Variants in DLGAP2 observed in about 807,000 individuals in gnomAD.
DLGAP2 encodes the protein DLG associated protein 2.
In DLGAP2, 26 loss-of-function variants were observed where a neutral mutation model predicts 100.3. The observed-to-expected ratio is 0.26, with a 90% CI of 0.19 to 0.36. DLGAP2 has a LOEUF of 0.36. Among genes scored for constraint, DLGAP2 ranks in the 10% least tolerant of loss-of-function variants. DLGAP2 has a pLI of 1.00. For synonymous variants in DLGAP2, 886 were observed against 630.1 expected (o/e 1.41, Z -6.08); for missense variants, 1,858 against 1,453.2 (o/e 1.28, Z -4.53).
chr8:1,655,004 G>C (rs186607116), intron 8 of DLGAP2, among the ~76,000 whole-genome samples: 12 of 152,304 alleles, frequency 7.9e-5, no homozygotes, highest in African/African-American at 1.4e-4. Context: ...GAAGTGTCTC[G>C]AACAGCAGAG....
intron 2 of DLGAP2, among the ~76,000 whole-genome samples, chr8:1,042,993 T>C (rs1396228989): frequency 2.5e-5 from 3 of 120,576 alleles, no homozygotes; most frequent in African/African-American, 6.3e-5. Context: ...GGGTGATGGA[T>C]GTGGGTGGTG....
intron 1 of DLGAP2, among the ~76,000 whole-genome samples, chr8:756,921 C>A (rs991333344): frequency 7.2e-5 from 11 of 152,140 alleles, no homozygotes; most frequent in Admixed American, 1.3e-4. Context: ...TTTGGCAGAC[C>A]CAGATTTCCC....
At chr8:942,456 C>G (rs1466959865) in intron 2 of DLGAP2, among the ~76,000 whole-genome samples, 2 of 152,240 alleles carry the variant, frequency 1.3e-5, no homozygotes, top group African/African-American at 4.8e-5. Flanking sequence ...ACTTTTCCCA[C>G]TCACATCATC....
At chr8:1,491,452 C>T (rs1463645345) in intron 3 of DLGAP2, among the ~76,000 whole-genome samples, 2 of 109,368 alleles carry the variant, frequency 1.8e-5, no homozygotes, top group East Asian at 2.7e-4. Flanking sequence ...AAAGTGAGCA[C>T]GAGGAGCAAT....
At position 1,626,771 on chromosome 8, in the gene DLGAP2, C is replaced by A. The variant is rs761115101; in HGVS notation, c.1474C>A (p.Pro492Thr). The part of the protein sequence containing the change: ...QTYLQAASDV[P>T]VGHSLDPAAN... ...CTACCTGCAAGCTGCAAGCGATGTG[C>A]CTGTGGGACACAGCCTGGACCCCGC... The change falls in exon 7 of 15, where the codon CCT becomes ACT. Residue 492 changes from proline (P) to threonine (T), a missense_variant. By Grantham distance (38) the Pro-to-Thr change is conservative (BLOSUM62 -1). Transcript: ENST00000637795. 5.6e-6 allele frequency: 9 copies of A among 1,603,878 alleles called. No individual in the cohort carries two copies. The Admixed American group carries it at 1.0e-4, about 18-fold the overall frequency.
At chr8:906,499 G>A (rs1798383446) in intron 1 of DLGAP2, among the ~76,000 whole-genome samples, 1 of 152,208 alleles carries the variant, frequency 6.6e-6, no homozygotes, top group African/African-American at 2.4e-5. Flanking sequence ...GCAGATCTGC[G>A]AGGAGCCCTC....
Position 801,880 on chromosome 8 carries a change from G to A in DLGAP2, c.18+64055G>A, listed in dbSNP as rs908139715. ...TTTCGTACCTGAGCCGCCTGACCCTGTTGTCTTCACTCAAGCTCACTGTCA... is the reference window on the plus strand; with the variant it reads ...TTTCGTACCTGAGCCGCCTGACCCTATTGTCTTCACTCAAGCTCACTGTCA... On this transcript the variant is annotated intron_variant, in intron 1 of 14. Coordinates refer to ENST00000637795, the MANE Select transcript of DLGAP2 (RefSeq NM_001346810.2). 1.3e-5 allele frequency among the ~76,000 whole-genome samples: 2 copies of A among 149,938 alleles called. 1 individual carries two copies. The highest frequency in any genetic ancestry group is 3.0e-5 in the Non-Finnish European group (2 of 67,308).
At chr8:1,329,088 C>G (rs553913883) in intron 3 of DLGAP2, among the ~76,000 whole-genome samples, 3 of 152,342 alleles carry the variant, frequency 2.0e-5, no homozygotes, top group Admixed American at 2.0e-4. Flanking sequence ...TGACAAGCGA[C>G]AAGCGACGAG....
intron 2 of DLGAP2, among the ~76,000 whole-genome samples, chr8:1,095,410 TG>T (rs1397290199): frequency 1.3e-5 from 2 of 152,174 alleles, no homozygotes; most frequent in African/African-American, 4.8e-5. Flanking sequence ...CCGGGGTTCT[TG>T]TTGGGATCCT....
At chr8:1,174,318 A>G (rs760601768) in intron 2 of DLGAP2, among the ~76,000 whole-genome samples, 2 of 150,372 alleles carry the variant, frequency 1.3e-5, no homozygotes, top group Non-Finnish European at 3.0e-5. Flanking sequence ...ACCATTACCA[A>G]AATCATTATC....
At chr8:1,302,969 G>A (rs1005530184) in intron 3 of DLGAP2, among the ~76,000 whole-genome samples, 1 of 152,208 alleles carries the variant, frequency 6.6e-6, no homozygotes, top group Admixed American at 6.5e-5. Flanking sequence ...TTCCATCGCC[G>A]CAGGAGTCAT....
intron 1 of DLGAP2, among the ~76,000 whole-genome samples, chr8:894,391 G>A (rs1003357382): frequency 6.6e-6 from 1 of 152,120 alleles, no homozygotes; most frequent in African/African-American, 2.4e-5. Context: ...GTGCCCAGGA[G>A]TGATGTGTGG....
intron 2 of DLGAP2, among the ~76,000 whole-genome samples, chr8:1,023,958 G>A (rs2129025527): frequency 6.6e-6 from 1 of 151,262 alleles, no homozygotes; most frequent in Middle Eastern, 3.4e-3. Flanking sequence ...GTGGGTGGCT[G>A]TGGGTTTGCA....
chr8:1,157,460 C>G (rs1317801735), intron 2 of DLGAP2, among the ~76,000 whole-genome samples: 1 of 152,144 alleles, frequency 6.6e-6, no homozygotes, highest in African/African-American at 2.4e-5. Context: ...CATTCCCTTT[C>G]AGTCTAAAGT....
intron 3 of DLGAP2, among the ~76,000 whole-genome samples, chr8:1,364,028 C>A (rs1802048134): frequency 6.6e-6 from 1 of 152,170 alleles, no homozygotes; most frequent in Admixed American, 6.5e-5. Flanking sequence ...CCTCACTGAT[C>A]CTCATGGAAC....
At chr8:1,564,051 G>T (rs899609369) in intron 5 of DLGAP2, among the ~76,000 whole-genome samples, 1 of 152,164 alleles carries the variant, frequency 6.6e-6, no homozygotes. Context: ...TGCTATGTTA[G>T]TTCCTTGACT....
chr8:1,041,773 T>A (rs34945792), intron 2 of DLGAP2, among the ~76,000 whole-genome samples: 75,122 of 125,982 alleles, frequency 0.6, 23,336 homozygotes, highest in Non-Finnish European at 0.61. Context: ...GCCGTGGGTC[T>A]GCGGGAAATG....
chr8:1,116,530 C>T (rs1258343747), intron 2 of DLGAP2, among the ~76,000 whole-genome samples: 2 of 152,084 alleles, frequency 1.3e-5, no homozygotes, highest in Admixed American at 6.5e-5. Flanking sequence ...TGAAAATATC[C>T]AGTAATTACA....
At chr8:1,161,237 A>G (rs1796883098) in intron 2 of DLGAP2, among the ~76,000 whole-genome samples, 1 of 152,160 alleles carries the variant, frequency 6.6e-6, no homozygotes, top group Non-Finnish European at 1.5e-5. Context: ...GGATAGAACC[A>G]TCAGCTGGTT....
Sources: allele counts gnomAD v4.1 joint callset (sites outside exome capture counted in the v4.1 genomes callset), GRCh38; gene constraint gnomAD v4.1.1; transcripts MANE v1.5; gene names NCBI Gene and HGNC (gene_info 2026-07-23, HGNC 2026-07-21).